CDH13: variants seen among roughly 807,000 people sequenced by gnomAD.
CDH13 encodes the protein cadherin-13.
Under a neutral mutation model 63.8 loss-of-function variants are expected in CDH13, and 24 were observed. The observed-to-expected ratio is 0.38, with a 90% confidence interval of 0.27 to 0.53. CDH13 has a LOEUF of 0.53. Ranked by LOEUF, CDH13 falls within the 20% of genes least tolerant of loss-of-function variation. The probability of loss-of-function intolerance (pLI) is 0.85; values close to 1 mark genes in which losing one functional copy is unlikely to be tolerated. For synonymous variants in CDH13, 503 were observed against 355.3 expected (o/e 1.42, Z -4.67); for missense variants, 1,049 against 903.1 (o/e 1.16, Z -2.07).
intron 2 of CDH13, among the ~76,000 whole-genome samples, chr16:82,895,535 A>G (rs1257936064): frequency 6.6e-6 from 1 of 152,144 alleles, no homozygotes; most frequent in Non-Finnish European, 1.5e-5. Context: ...TTACCAACCA[A>G]AGATGCCATG....
intron 1 of CDH13, among the ~76,000 whole-genome samples, chr16:82,819,180 T>C (rs2037875793): frequency 6.6e-6 from 1 of 152,222 alleles, no homozygotes; most frequent in South Asian, 2.1e-4. Flanking sequence ...ATCTTCTGAT[T>C]GCTAGGTGAG....
At chr16:83,789,096 T>C (rs1243616199) in intron 13 of CDH13, among the ~76,000 whole-genome samples, 1 of 152,158 alleles carries the variant, frequency 6.6e-6, no homozygotes, top group Non-Finnish European at 1.5e-5. Context: ...ACATTCTTCC[T>C]AACCAAAAAG....
intron 6 of CDH13, among the ~76,000 whole-genome samples, chr16:83,403,500 G>A (rs1240005943): frequency 6.6e-6 from 1 of 152,130 alleles, no homozygotes; most frequent in Non-Finnish European, 1.5e-5. Flanking sequence ...GCGCGCGCCT[G>A]TAGTCCCAGC....
intron 4 of CDH13, among the ~76,000 whole-genome samples, chr16:83,212,512 G>GAAAAACCA (rs769286902): frequency 9.9e-5 from 15 of 152,178 alleles, no homozygotes; most frequent in Non-Finnish European, 2.1e-4. Flanking sequence ...GTGACTTTAA[G>GAAAAACCA]AAAAACCAAC....
At chr16:82,642,252 A>G (rs899454512) in intron 1 of CDH13, among the ~76,000 whole-genome samples, 1 of 152,200 alleles carries the variant, frequency 6.6e-6, no homozygotes, top group East Asian at 1.9e-4. Context: ...ATAGAGTTGC[A>G]TTTAACTCAG....
intron 5 of CDH13, among the ~76,000 whole-genome samples, chr16:83,284,782 C>T (rs2089267351): frequency 6.6e-6 from 1 of 151,886 alleles, no homozygotes; most frequent in Non-Finnish European, 1.5e-5. Flanking sequence ...TAATATAATA[C>T]AAAATACTAT....
intron 1 of CDH13, among the ~76,000 whole-genome samples, chr16:82,813,864 T>A (rs573318612): frequency 1.1e-4 from 17 of 152,338 alleles, no homozygotes; most frequent in African/African-American, 3.6e-4. Context: ...ATTCCTCAGA[T>A]GATTGTGGGA....
chr16:83,656,677 G>A (rs549009041), intron 8 of CDH13, among the ~76,000 whole-genome samples: 1 of 152,218 alleles, frequency 6.6e-6, no homozygotes, highest in Non-Finnish European at 1.5e-5. Context: ...GCCATTTCCT[G>A]TGGGAAAGTA....
At position 83,546,223 on chromosome 16, in the gene CDH13, C is replaced by A. The variant is rs138062779; in HGVS notation, c.961-56231C>A. Among the ~76,000 whole-genome samples the A allele has an allele frequency of 4.4e-4, 67 of 150,984 alleles. No individual in the cohort carries two copies. In the East Asian group the frequency reaches 0.013, roughly 29 times the overall value. On this transcript the variant is annotated intron_variant, in intron 7 of 13. Transcript: ENST00000567109. Reference sequence around the variant, plus strand: ...GCGTGGGACGTCTTGGTAGATACCTCACCAGCTCTTCCCTTCTCAGAGGCT... The same window carrying A: ...GCGTGGGACGTCTTGGTAGATACCTAACCAGCTCTTCCCTTCTCAGAGGCT...
intron 6 of CDH13, among the ~76,000 whole-genome samples, chr16:83,458,529 C>G (rs71402079): frequency 0.012 from 1,753 of 152,266 alleles, 15 homozygotes; most frequent in Admixed American, 0.017. Context: ...TGGAGTTCAT[C>G]TTATAACTCA....
rs143206810 is a variant in CDH13 at position 83,716,126 on chromosome 16, T to C, written c.1539-31982T>C. Reference sequence around the variant, plus strand: ...TAATAGACTTTGTTTTTTAGAGCAGTTGCAGGTTCACAGCAAAATTGAGCA... The same window carrying C: ...TAATAGACTTTGTTTTTTAGAGCAGCTGCAGGTTCACAGCAAAATTGAGCA... On this transcript the variant is annotated intron_variant, in intron 10 of 13. Transcript: ENST00000567109. Among the ~76,000 whole-genome samples, 500 of 152,286 alleles carry C rather than the reference T, an allele frequency of 3.3e-3. 6 individuals carry two copies. The highest frequency in any genetic ancestry group is 8.7e-4 in the Non-Finnish European group (59 of 68,030).
chr16:82,725,115 G>C (rs2033019611), intron 1 of CDH13, among the ~76,000 whole-genome samples: 1 of 134,278 alleles, frequency 7.4e-6, no homozygotes, highest in South Asian at 2.1e-4. Context: ...TGCGGATGGT[G>C]ATGGTGATGT....
intron 4 of CDH13, among the ~76,000 whole-genome samples, chr16:83,135,744 A>G (rs2036252934): frequency 6.6e-6 from 1 of 152,196 alleles, no homozygotes; most frequent in Non-Finnish European, 1.5e-5. Flanking sequence ...TAGCAGCACA[A>G]CTCACAATTG....
At chr16:83,660,318 G>A (rs570419961) in intron 8 of CDH13, among the ~76,000 whole-genome samples, 2 of 152,270 alleles carry the variant, frequency 1.3e-5, no homozygotes, top group East Asian at 1.9e-4. Context: ...TCCATCTGGG[G>A]GTGATAGTAG....
At chr16:83,692,232 T>G (rs1319907301) in intron 10 of CDH13, among the ~76,000 whole-genome samples, 1 of 152,232 alleles carries the variant, frequency 6.6e-6, no homozygotes, top group Non-Finnish European at 1.5e-5. Flanking sequence ...TATGACAGCT[T>G]TCATTGCTGA....
intron 3 of CDH13, among the ~76,000 whole-genome samples, chr16:83,097,198 T>C (rs1369660858): frequency 6.6e-6 from 1 of 152,194 alleles, no homozygotes; most frequent in Non-Finnish European, 1.5e-5. Context: ...TGAGTCTAAC[T>C]GATATGAAAC....
At chr16:83,488,778 C>T (rs149118737) in intron 7 of CDH13, among the ~76,000 whole-genome samples, 1 of 152,090 alleles carries the variant, frequency 6.6e-6, no homozygotes, top group Non-Finnish European at 1.5e-5. Flanking sequence ...GCGCCTGCCA[C>T]CACACCTGGC....
rs1174439191 is a variant in CDH13, at chr16:83,779,405, T to TAAAAAAAAAA, written c.1682-563_1682-562insAAAAAAAAAA. Among the ~76,000 whole-genome samples, 527 of 67,794 alleles carry TAAAAAAAAAA rather than the reference T, an allele frequency of 7.8e-3. 212 individuals are homozygous for TAAAAAAAAAA. The highest frequency in any genetic ancestry group is 0.014 in the Admixed American group (62 of 4,472). The allele number at this position is 67,794 out of a possible 152,430, so 44.5% of individuals were successfully genotyped here. Reference sequence around the variant, plus strand: ...CCGGGCGACAGCGCGAGACTCCATCTCAAAAAAAAAAAAAAAAAAAAAAAA... The same window carrying TAAAAAAAAAA: ...CCGGGCGACAGCGCGAGACTCCATCTAAAAAAAAAACAAAAAAAAAAAAAAAAAAAAAAAA... On this transcript the variant is annotated intron_variant, in intron 11 of 13. Coordinates refer to ENST00000567109, the MANE Select transcript of CDH13 (RefSeq NM_001257.5).
chr16:83,245,235 C>T (rs1197246525), intron 5 of CDH13, among the ~76,000 whole-genome samples: 2 of 152,190 alleles, frequency 1.3e-5, no homozygotes, highest in African/African-American at 2.4e-5. Flanking sequence ...CTCTGCCACC[C>T]CCCACTGTAC....
Sources: allele counts gnomAD v4.1 joint callset (sites outside exome capture counted in the v4.1 genomes callset), GRCh38; gene constraint gnomAD v4.1.1; transcripts MANE v1.5; gene names NCBI Gene and HGNC (gene_info 2026-07-23, HGNC 2026-07-21).